The following FAM167A variants were observed in gnomAD, a reference collection of about 807,000 sequenced individuals.
FAM167A encodes protein FAM167A.
A neutral mutation model predicts 14.9 loss-of-function variants in FAM167A; 23 were observed. That is an observed-to-expected ratio of 1.55 (90% CI 1.11 to 2.19). The LOEUF is 2.19. FAM167A is among the 30% of genes most tolerant of loss of function. The probability of loss-of-function intolerance (pLI) is 0.00; values close to 1 mark genes in which losing one functional copy is unlikely to be tolerated. For synonymous variants in FAM167A, 174 were observed against 117.7 expected (o/e 1.48, Z -3.10); for missense variants, 401 against 281.5 (o/e 1.42, Z -3.04).
intron 1 of FAM167A, chr8:11,445,704 A>G: frequency 1.3e-6 from 1 of 786,348 alleles, no homozygotes; most frequent in Non-Finnish European, 1.5e-6. Context: ...AAGAGACCGC[A>G]GCCTCCAGAC....
At chr8:11,461,000 C>T (rs944282770) in intron 1 of FAM167A, among the ~76,000 whole-genome samples, 5 of 152,338 alleles carry the variant, frequency 3.3e-5, no homozygotes, top group Admixed American at 6.5e-5. Context: ...AGGCTGGGAG[C>T]GCGGAAACCT....
chr8:11,465,406 T>C (rs1363461270), intron 1 of FAM167A, among the ~76,000 whole-genome samples: 3 of 152,118 alleles, frequency 2.0e-5, no homozygotes, highest in African/African-American at 7.2e-5. Flanking sequence ...TAGAGTCCCA[T>C]TGGCAAAACG....
rs1293120893 is a variant in FAM167A, at chr8:11,423,738, C to G, written c.*635G>C. The G allele has an allele frequency of 1.3e-5, 2 of 153,430 alleles. No individual in the cohort carries two copies. Among genetic ancestry groups the G allele is most frequent in the African/African-American group, 4.8e-5 (2 of 41,434 alleles). The allele number at this position is 153,430 out of a possible 1,614,324, so 9.5% of individuals were successfully genotyped here. Reference sequence around the variant, plus strand: ...CCCCCATCACATGTCCCAGCACACGCCAGAATTTACAATTTACACAGCCTT... The same window carrying G: ...CCCCCATCACATGTCCCAGCACACGGCAGAATTTACAATTTACACAGCCTT... On this transcript the variant is annotated 3_prime_UTR_variant, in exon 3 of 3. Coordinates refer to ENST00000284486, the MANE Select transcript of FAM167A (RefSeq NM_053279.3).
chr8:11,445,929 G>C (rs918722867), intron 1 of FAM167A, among the ~76,000 whole-genome samples: 7 of 151,140 alleles, frequency 4.6e-5, no homozygotes, highest in South Asian at 4.2e-4. Context: ...ATTCTCAGCA[G>C]CCTGGAGAGT....
At chr8:11,461,776 G>T (rs1020417425) in intron 1 of FAM167A, among the ~76,000 whole-genome samples, 3 of 152,370 alleles carry the variant, frequency 2.0e-5, no homozygotes, top group Admixed American at 6.5e-5. Context: ...CTCAAGGGGG[G>T]ATTTGTCCAG....
At chr8:11,468,997 A>C (rs73209254), upstream of FAM167A, among the ~76,000 whole-genome samples, 32,456 of 152,168 alleles carry the variant, frequency 0.21, 3,797 homozygotes, top group African/African-American at 0.28. Context: ...TCAACTCCAA[A>C]GTGAAATCAT....
chr8:11,434,329 G>A (rs1436074431), intron 2 of FAM167A, among the ~76,000 whole-genome samples: 1 of 152,172 alleles, frequency 6.6e-6, no homozygotes, highest in Non-Finnish European at 1.5e-5. Context: ...TTCTCTTTCA[G>A]GCCCCTGGCC....
chr8:11,468,280 G>A (rs1312943552), upstream of FAM167A, among the ~76,000 whole-genome samples: 2 of 152,210 alleles, frequency 1.3e-5, no homozygotes, highest in African/African-American at 2.4e-5. Flanking sequence ...GCCTCTGTCC[G>A]TCTCTAGGGC....
upstream of FAM167A, among the ~76,000 whole-genome samples, chr8:11,469,753 C>T (rs563974667): frequency 9.5e-4 from 144 of 152,030 alleles, 2 homozygotes; most frequent in African/African-American, 3.1e-3. Context: ...CATGGTGGTA[C>T]ACACCTGAAG....
intron 1 of FAM167A, among the ~76,000 whole-genome samples, chr8:11,464,543 G>C (rs1807676826): frequency 6.6e-6 from 1 of 152,172 alleles, no homozygotes; most frequent in Non-Finnish European, 1.5e-5. Flanking sequence ...GGCAATCCAA[G>C]TCTCGGGGTG....
intron 1 of FAM167A, among the ~76,000 whole-genome samples, chr8:11,453,978 G>A (rs1001232809): frequency 4.6e-5 from 7 of 152,244 alleles, no homozygotes; most frequent in Admixed American, 2.0e-4. Flanking sequence ...CCATCTTCTA[G>A]AACCTACTAT....
intron 2 of FAM167A, among the ~76,000 whole-genome samples, chr8:11,432,903 G>A (rs1423678169): frequency 6.6e-6 from 1 of 152,180 alleles, no homozygotes. Context: ...ATGAGTTCAT[G>A]TCCTTTGCAG....
chr8:11,453,370 C>T (rs575173016), intron 1 of FAM167A, among the ~76,000 whole-genome samples: 5 of 152,186 alleles, frequency 3.3e-5, no homozygotes, highest in African/African-American at 1.2e-4. Context: ...TGTCAAGCTG[C>T]TAATATGTAT....
chr8:11,471,855 A>T (rs889523200), upstream of FAM167A, among the ~76,000 whole-genome samples: 1 of 152,024 alleles, frequency 6.6e-6, no homozygotes, highest in Non-Finnish European at 1.5e-5. Context: ...GGTTTGGATG[A>T]AGGCTGCGCT....
chr8:11,428,359 G>A (rs1396305704), intron 2 of FAM167A, among the ~76,000 whole-genome samples: 1 of 152,256 alleles, frequency 6.6e-6, no homozygotes. Context: ...AAAGAGGGCT[G>A]ACAGTAAGGC....
At chr8:11,432,333 G>A (rs1805663032) in intron 2 of FAM167A, among the ~76,000 whole-genome samples, 1 of 152,040 alleles carries the variant, frequency 6.6e-6, no homozygotes, top group Non-Finnish European at 1.5e-5. Flanking sequence ...TCTGACAAAG[G>A]GCTAATATCC....
rs545871197 is a variant in FAM167A at position 11,431,307 on chromosome 8, T to C, written c.382-6671A>G. Among the ~76,000 whole-genome samples, 8 of 152,364 alleles carry C rather than the reference T, an allele frequency of 5.3e-5. 1 individual carries two copies. The highest frequency in any genetic ancestry group is 1.9e-4 in the African/African-American group (8 of 41,586). On this transcript the variant is annotated intron_variant, in intron 2 of 2. Transcript: ENST00000284486. ...GCCAGACACTAAAGGCCAAATACCGTAGGATTCCACTTAGAAGAGGTTCCT... is the reference window on the plus strand; with the variant it reads ...GCCAGACACTAAAGGCCAAATACCGCAGGATTCCACTTAGAAGAGGTTCCT...
At chr8:11,426,547 A>G (rs924404482) in intron 2 of FAM167A, among the ~76,000 whole-genome samples, 1 of 152,146 alleles carries the variant, frequency 6.6e-6, no homozygotes, top group African/African-American at 2.4e-5. Context: ...AGGTGTCAAC[A>G]ATTTAGAAAG....
intron 2 of FAM167A, among the ~76,000 whole-genome samples, chr8:11,425,075 C>G (rs1455443944): frequency 1.3e-5 from 2 of 152,180 alleles, no homozygotes; most frequent in African/African-American, 2.4e-5. Context: ...GCCATGTTTT[C>G]TTTCTTACGC....
Sources: allele counts gnomAD v4.1 joint callset (sites outside exome capture counted in the v4.1 genomes callset), GRCh38; gene constraint gnomAD v4.1.1; transcripts MANE v1.5; gene names NCBI Gene and HGNC (gene_info 2026-07-23, HGNC 2026-07-21).